DPYD: variants seen among roughly 807,000 people sequenced by gnomAD.
DPYD encodes the protein dihydropyrimidine dehydrogenase.
A neutral mutation model predicts 116.2 loss-of-function variants in DPYD; 109 were observed. The ratio of observed to expected loss-of-function variants is 0.94; its 90% CI spans 0.80 to 1.10. The LOEUF (loss-of-function observed/expected upper bound fraction) is 1.10, where lower values mean the gene tolerates loss of function less well. Among genes scored for constraint, DPYD ranks in the 50% least tolerant of loss-of-function variants. DPYD has a pLI of 0.00. For synonymous variants in DPYD, 440 were observed against 432.0 expected, an observed-to-expected ratio of 1.02 and a Z score of -0.23; for missense variants, 1,302 against 1,254.5, an observed-to-expected ratio of 1.04 and a Z score of -0.57.
chr1:97,434,798 G>A (rs1176139393), intron 14 of DPYD, among the ~76,000 whole-genome samples: 4 of 152,004 alleles, frequency 2.6e-5, no homozygotes, highest in Non-Finnish European at 5.9e-5. Context: ...GCAGAACAGT[G>A]GGGACTGTGT....
At chr1:97,511,979 A>G (rs1304133702) in intron 13 of DPYD, among the ~76,000 whole-genome samples, 3 of 151,954 alleles carry the variant, frequency 2.0e-5, no homozygotes, top group African/African-American at 4.8e-5. Context: ...AACATAGAAT[A>G]TGAAAATTTT....
chr1:97,310,426 G>A (rs1054342281), intron 16 of DPYD, among the ~76,000 whole-genome samples: 12 of 151,742 alleles, frequency 7.9e-5, no homozygotes, highest in Non-Finnish European at 5.9e-5. Flanking sequence ...TAGAACTATC[G>A]AAGGCTTCTA....
intron 8 of DPYD, among the ~76,000 whole-genome samples, chr1:97,608,499 T>C (rs747724968): frequency 6.6e-6 from 1 of 151,766 alleles, no homozygotes; most frequent in Non-Finnish European, 1.5e-5. Context: ...ACAGTAGAAA[T>C]ATATGGGTAA....
At chr1:97,630,958 T>C (rs1175809983) in intron 8 of DPYD, among the ~76,000 whole-genome samples, 2 of 152,134 alleles carry the variant, frequency 1.3e-5, no homozygotes, top group Admixed American at 1.3e-4. Flanking sequence ...AGGATACTAA[T>C]ACTCCTTTGT....
At chr1:97,102,132 A>C (rs1331696083) in intron 20 of DPYD, among the ~76,000 whole-genome samples, 1 of 151,938 alleles carries the variant, frequency 6.6e-6, no homozygotes, top group Admixed American at 6.6e-5. Context: ...GCATATTATG[A>C]AGTAGAAAAG....
At position 97,757,222 on chromosome 1, in the gene DPYD, C is replaced by T. The variant is rs185966057; in HGVS notation, c.234-16743G>A. 1.4e-4 allele frequency among the ~76,000 whole-genome samples: 22 copies of T among 152,286 alleles called. 1 individual carries two copies. The highest frequency in any genetic ancestry group is 1.4e-3 in the Admixed American group (22 of 15,294). On this transcript the variant is annotated intron_variant, in intron 3 of 22. Coordinates refer to ENST00000370192, the MANE Select transcript of DPYD (RefSeq NM_000110.4). ...AGAATTAAACAAGTGAACAAACAAA[C>T]ATTGCATTGTAGACTAAGCTTAAAT...
Position 97,309,435 on chromosome 1 carries a change from C to T in DPYD, c.2059-3138G>A, listed in dbSNP as rs563821609. Among the ~76,000 whole-genome samples the T allele has an allele frequency of 3.3e-5, 5 of 151,424 alleles. No individual in the cohort carries two copies. The South Asian group carries it at 1.0e-3, about 31-fold the overall frequency. ...ATCACCAAAGAAAGCTCTGAAGCAA[C>T]AAAATGATTTCCTGTGACAGAGGTG... On this transcript the variant is annotated intron_variant, in intron 16 of 22. Coordinates refer to ENST00000370192, the MANE Select transcript of DPYD (RefSeq NM_000110.4).
At chr1:97,418,363 C>T (rs536126293) in intron 14 of DPYD, among the ~76,000 whole-genome samples, 3 of 149,270 alleles carry the variant, frequency 2.0e-5, no homozygotes, top group African/African-American at 7.4e-5. Context: ...TGCAATGGTG[C>T]GACCTTGGCT....
chr1:97,101,847 G>A (rs996424325), intron 20 of DPYD, among the ~76,000 whole-genome samples: 3 of 151,994 alleles, frequency 2.0e-5, no homozygotes, highest in African/African-American at 7.2e-5. Context: ...ACTGAACAAA[G>A]CTCAGAAATG....
chr1:97,367,496 T>A (rs1671099010), intron 16 of DPYD, among the ~76,000 whole-genome samples: 1 of 152,158 alleles, frequency 6.6e-6, no homozygotes, highest in South Asian at 2.1e-4. Context: ...AACTAATGTT[T>A]GGACTGTTTG....
chr1:97,310,498 T>C (rs1023167928), intron 16 of DPYD, among the ~76,000 whole-genome samples: 2 of 151,820 alleles, frequency 1.3e-5, no homozygotes, highest in African/African-American at 4.8e-5. Flanking sequence ...TGATGTATTA[T>C]CCTTCTATGT....
intron 14 of DPYD, among the ~76,000 whole-genome samples, chr1:97,384,287 G>A (rs1016102526): frequency 1.4e-4 from 21 of 149,572 alleles, no homozygotes; most frequent in East Asian, 9.7e-4. Context: ...TCAGATAAAC[G>A]TTTTCATCAG....
At chr1:97,215,506 C>T (rs1660319666) in intron 19 of DPYD, among the ~76,000 whole-genome samples, 1 of 152,068 alleles carries the variant, frequency 6.6e-6, no homozygotes, top group African/African-American at 2.4e-5. Flanking sequence ...GTTGTTGAGG[C>T]ATCTGATTCT....
At chr1:97,510,937 T>C (rs572328252) in intron 13 of DPYD, among the ~76,000 whole-genome samples, 19 of 151,946 alleles carry the variant, frequency 1.3e-4, no homozygotes, top group Admixed American at 4.6e-4. Flanking sequence ...TATGAAGAGA[T>C]AGAGAGAAAA....
intron 5 of DPYD, among the ~76,000 whole-genome samples, chr1:97,708,063 T>G (rs1353759021): frequency 6.6e-6 from 1 of 152,018 alleles, no homozygotes; most frequent in Admixed American, 6.6e-5. Context: ...GGTCTCAAAC[T>G]CCTGCATTCA....
chr1:97,253,442 T>G lies in DPYD; in HGVS notation c.2300-18448A>C, dbSNP rs750359848. Among the ~76,000 whole-genome samples the G allele has an allele frequency of 5.3e-5, 8 of 152,218 alleles. No individual in the cohort carries two copies. The South Asian group carries it at 8.3e-4, about 16-fold the overall frequency. The stretch of plus-strand genomic sequence containing the variant: ...GTCTCAACTAACTCTTTCAATAAAC[T>G]TAGATATGTGAGGGTATTGTTTTAT... On this transcript the variant is annotated intron_variant, in intron 18 of 22. Coordinates refer to ENST00000370192, the MANE Select transcript of DPYD (RefSeq NM_000110.4).
intron 22 of DPYD, 23 bp from the exon 23 acceptor site, chr1:97,079,169 T>C (rs1648984997): frequency 1.2e-6 from 2 of 1,612,268 alleles, no homozygotes; most frequent in African/African-American, 2.7e-5. Flanking sequence ...ATAGAGGGTA[T>C]TGATGTCACT....
chr1:97,581,326 CA>C (rs1161399547), intron 10 of DPYD, among the ~76,000 whole-genome samples: 414 of 66,556 alleles, frequency 6.2e-3, no homozygotes, highest in African/African-American at 0.025. Context: ...GACTCAGTCT[CA>C]AAAAAAAAAA....
intron 3 of DPYD, among the ~76,000 whole-genome samples, chr1:97,750,832 C>T (rs886498733): frequency 6.6e-6 from 1 of 152,062 alleles, no homozygotes; most frequent in Non-Finnish European, 1.5e-5. Context: ...ATATGGAGGG[C>T]CAACTGAGGG....
Sources: gnomAD v4.1 joint callset for allele counts (sites outside exome capture counted in the v4.1 genomes callset) on GRCh38, gnomAD v4.1.1 for gene constraint, MANE v1.5 for transcripts, NCBI Gene and HGNC (gene_info 2026-07-23, HGNC 2026-07-21) for gene names.